ACBD4: variants seen among roughly 807,000 people sequenced by gnomAD.
ACBD4 encodes the protein acyl-CoA binding domain containing 4, also known as acyl-CoA-binding domain-containing protein 4.
A neutral mutation model predicts 46.0 loss-of-function variants in ACBD4; 41 were observed. That is an observed-to-expected ratio of 0.89 (90% CI 0.69 to 1.16). ACBD4 has a LOEUF of 1.16. Ranked by LOEUF, ACBD4 falls within the 50% of genes most tolerant of loss-of-function variation. The pLI, the probability that ACBD4 is intolerant of heterozygous loss-of-function variation, is 0.00. For synonymous variants in ACBD4, 162 were observed against 155.9 expected, an observed-to-expected ratio of 1.04 and a Z score of -0.29; for missense variants, 393 against 399.5, an observed-to-expected ratio of 0.98 and a Z score of 0.14.
At chr17:45,134,835 A>G (rs1387646364), upstream of ACBD4, among the ~76,000 whole-genome samples, 3 of 152,172 alleles carry the variant, frequency 2.0e-5, no homozygotes, top group African/African-American at 7.2e-5. Flanking sequence ...ATTATTGGTA[A>G]CTATAATCGT....
chr17:45,135,243 G>A (rs1226167875), upstream of ACBD4: 1 of 151,890 alleles, frequency 6.6e-6, no homozygotes, highest in Non-Finnish European at 1.5e-5. Flanking sequence ...TGGGATTACA[G>A]GCATGAGCCA....
At chr17:45,141,218 C>G (rs185750287) in intron 9 of ACBD4, among the ~76,000 whole-genome samples, 4 of 152,340 alleles carry the variant, frequency 2.6e-5, no homozygotes, top group African/African-American at 9.6e-5. Flanking sequence ...GTTCCCCTTT[C>G]AATTCTCTTT....
In ACBD4 at chr17:45,137,097, G is replaced by A. The variant is rs761860879; in HGVS notation, c.373G>A (p.Asp125Asn). Residue 125 changes from aspartate to asparagine, a missense_variant, in exon 5 of 10, where the codon GAC becomes AAC. Asp to Asn is a conservative substitution (Grantham distance 23, BLOSUM62 1). Around this residue, in one of 3 missense-constraint regions of ACBD4, gnomAD observed 308 missense variants for 301.8 expected, o/e 1.02. Transcript: ENST00000321854. Reference protein sequence around the residue: ...YFEPLYQVIPDMPRPPETFLR... With the variant: ...YFEPLYQVIPNMPRPPETFLR... ...CGAGCCCCTGTACCAGGTGATCCCT[G>A]ACATGCCGAGGCCCCCAGAGACCTT... 7 of 1,614,026 alleles carry A rather than the reference G, an allele frequency of 4.3e-6. No individual in the cohort carries two copies. In the South Asian group the frequency reaches 6.6e-5, roughly 15 times the overall value.
At chr17:45,139,297 G>C in intron 9 of ACBD4, 137 bp downstream of exon 9, 1 of 925,712 alleles carries the variant, frequency 1.1e-6, no homozygotes, top group Non-Finnish European at 1.7e-6. Flanking sequence ...CATGGCTCCT[G>C]CTACAGGCAG....
At chr17:45,137,662 C>T in intron 6 of ACBD4, 98 bp from the exon 7 acceptor site, 1 of 1,436,410 alleles carries the variant, frequency 7.0e-7, no homozygotes, top group Non-Finnish European at 9.8e-7. Context: ...TGCCTCGTAT[C>T]TCTAGTGTCT....
In ACBD4 at chr17:45,139,148, G is replaced by C. The variant is rs779720719; in HGVS notation, c.777G>C (p.Arg259=). Residue 259 remains arginine (R), a synonymous_variant, in exon 9 of 10, where the codon CGG becomes CGC. Coordinates refer to ENST00000321854, the MANE Select transcript of ACBD4 (RefSeq NM_001135705.3). ...TGCAGAGCCTGGAGAGCATGCCCCG[G>C]CCCCCTGAGCAGGTAGAGTCCCCCA... The part of the protein sequence containing the change: ...ARVQSLESMP[R]PPEQRPQPRP... 1 of 1,613,416 alleles carries C rather than the reference G, an allele frequency of 6.2e-7. No individual in the cohort carries two copies. Among genetic ancestry groups the C allele is most frequent in the Non-Finnish European group, 8.5e-7 (1 of 1,180,002 alleles).
Position 45,139,067 on chromosome 17 carries a change from G to T in ACBD4, c.696G>T (p.Trp232Cys). 1 of 1,613,864 alleles carries T rather than the reference G, an allele frequency of 6.2e-7. No individual in the cohort carries two copies. The highest frequency in any genetic ancestry group is 8.5e-7 in the Non-Finnish European group (1 of 1,180,036). The change falls in exon 9 of 10, where the codon TGG (tryptophan) becomes TGT (cysteine). Residue 232 changes from tryptophan to cysteine, a missense_variant. Around this residue, in one of 3 missense-constraint regions of ACBD4, gnomAD observed 308 missense variants for 301.8 expected, o/e 1.02. Transcript: ENST00000321854. The stretch of plus-strand genomic sequence containing the variant: ...CGGGGCCCCAGGAGTTGGACGTGTG[G>T]CTGCTGGGGACAGTTCGAGCACTAC... ...SPPGPQELDV[W>C]LLGTVRALQE...
chr17:45,142,347 C>CACG (rs1170458832), intron 9 of ACBD4, among the ~76,000 whole-genome samples: 1 of 113,308 alleles, frequency 8.8e-6, no homozygotes, highest in Non-Finnish European at 1.6e-5. Flanking sequence ...GAGCCGAGAT[C>CACG]ACGCCATTGC....
At chr17:45,134,072 G>A (rs924217905), upstream of ACBD4, among the ~76,000 whole-genome samples, 2 of 152,208 alleles carry the variant, frequency 1.3e-5, no homozygotes, top group East Asian at 1.9e-4. Flanking sequence ...GGTAATTGAA[G>A]TAACCATCAC....
At chr17:45,139,984 G>A (rs1034742763) in intron 9 of ACBD4, among the ~76,000 whole-genome samples, 5 of 152,126 alleles carry the variant, frequency 3.3e-5, no homozygotes, top group Admixed American at 1.3e-4. Context: ...GTCTGTTCTT[G>A]AAAAGCCTGA....
chr17:45,137,312 C>T (rs1352399867), intron 5 of ACBD4, 56 bp from the exon 6 acceptor site: 8 of 1,607,234 alleles, frequency 5.0e-6, no homozygotes, highest in Middle Eastern at 1.7e-4. Flanking sequence ...GGCTTGATCA[C>T]ACTGGGAGGT....
At chr17:45,132,419 G>A (rs917934938), upstream of ACBD4, 81 of 1,208,332 alleles carry the variant, frequency 6.7e-5, no homozygotes, top group African/African-American at 5.2e-4. The surrounding 1 kb of genome is among the most constrained non-coding windows in gnomAD (Gnocchi z 4.6). Context: ...ATGGCTTGGC[G>A]GGGGGCCGGG....
Position 45,137,348 on chromosome 17 carries a change from T to G in ACBD4, c.416-20T>G, listed in dbSNP as rs757884274. On this transcript the variant is annotated intron_variant, in intron 5 of 9. Coordinates refer to ENST00000321854, the MANE Select transcript of ACBD4 (RefSeq NM_001135705.3). ...GCCAGCCTCTCCCCAGGCCCACCTC[T>G]GGGTGCTGTGTCTTGGCAGGTTGGA... The G allele has an allele frequency of 6.2e-7, 1 of 1,614,022 alleles. No homozygotes were observed. The highest frequency in any genetic ancestry group is 8.5e-7 in the Non-Finnish European group (1 of 1,179,910).
intron 9 of ACBD4, 102 bp downstream of exon 9, chr17:45,139,262 GC>G: frequency 2.5e-6 from 3 of 1,187,212 alleles, no homozygotes; most frequent in Non-Finnish European, 3.7e-6. Context: ...GCCTCCACCT[GC>G]CCACATCTCT....
chr17:45,133,594 G>T (rs1465259435), upstream of ACBD4, among the ~76,000 whole-genome samples: 3 of 128,300 alleles, frequency 2.3e-5, no homozygotes, highest in East Asian at 4.4e-4. Context: ...TGCAGTGGCG[G>T]GATCTCGGCT....
chr17:45,136,902 C>T, intron 4 of ACBD4, 117 bp from the exon 5 acceptor site: 1 of 1,585,722 alleles, frequency 6.3e-7, no homozygotes, highest in South Asian at 1.1e-5. Flanking sequence ...ATGTTACCCC[C>T]AACCCTGCCT....
upstream of ACBD4, among the ~76,000 whole-genome samples, chr17:45,134,800 TAAAC>T (rs1366232854): frequency 1.3e-5 from 2 of 151,862 alleles, no homozygotes; most frequent in Non-Finnish European, 2.9e-5. Flanking sequence ...TAAAATAAAA[TAAAC>T]AAAATAAAAA....
chr17:45,137,461 G>C lies in ACBD4; in HGVS notation c.502+7G>C, dbSNP rs1185990278. 1.1e-5 allele frequency: 17 copies of C among 1,613,980 alleles called. No homozygotes were observed. Among genetic ancestry groups the C allele is most frequent in the Non-Finnish European group, 1.4e-5 (17 of 1,179,966 alleles). On this transcript the variant is annotated splice_region_variant and intron_variant, in intron 6 of 9. Transcript: ENST00000321854. ...CCGGCACCCCCAAGCCCAGGTTAGT[G>C]CTTGAGCAGGAGGGGTGGACCAAAC...
intron 6 of ACBD4, 82 bp from the exon 7 acceptor site, chr17:45,137,678 A>G: frequency 3.3e-6 from 5 of 1,510,132 alleles, no homozygotes; most frequent in Non-Finnish European, 4.6e-6. Flanking sequence ...TGTCTCCTAA[A>G]CAGGTGCTTC....
Sources: gnomAD v4.1 joint callset for allele counts (sites outside exome capture counted in the v4.1 genomes callset) on GRCh38, gnomAD v4.1.1 for gene constraint, gnomAD v4.1.1 regional missense constraint, Gnocchi (gnomAD v3.1) non-coding constraint, MANE v1.5 for transcripts, NCBI Gene and HGNC (gene_info 2026-07-23, HGNC 2026-07-21) for gene names.